The following SGCZ variants were observed in gnomAD, a reference collection of about 807,000 sequenced individuals.
The protein encoded by SGCZ is zeta-sarcoglycan.
In SGCZ, 40 loss-of-function variants were observed where a neutral mutation model predicts 41.3. The observed-to-expected ratio is 0.97, with a 90% confidence interval of 0.75 to 1.26. SGCZ has a LOEUF of 1.26. SGCZ is among the 50% of genes most tolerant of loss of function. The pLI is 0.00. For synonymous variants in SGCZ, 206 were observed against 137.5 expected (o/e 1.50, Z -3.49); for missense variants, 552 against 369.8 (o/e 1.49, Z -4.04).
chr8:14,273,756 C>T (rs1449278761), intron 3 of SGCZ, among the ~76,000 whole-genome samples: 1 of 152,034 alleles, frequency 6.6e-6, no homozygotes, highest in Non-Finnish European at 1.5e-5. Context: ...TCCAATGCAG[C>T]CTAGATACTA....
chr8:14,682,676 G>A (rs545305406), intron 1 of SGCZ, among the ~76,000 whole-genome samples: 3 of 151,892 alleles, frequency 2.0e-5, no homozygotes, highest in East Asian at 1.9e-4. Flanking sequence ...CCTTGTGATC[G>A]GCCCGCCTCG....
intron 1 of SGCZ, among the ~76,000 whole-genome samples, chr8:14,762,141 T>C (rs946041644): frequency 6.6e-6 from 1 of 152,186 alleles, no homozygotes; most frequent in Non-Finnish European, 1.5e-5. Flanking sequence ...CTAATAGAGA[T>C]TGCATGAACA....
At chr8:15,103,822 G>A (rs1585565853) in intron 1 of SGCZ, among the ~76,000 whole-genome samples, 1 of 151,966 alleles carries the variant, frequency 6.6e-6, no homozygotes, top group South Asian at 2.1e-4. Context: ...AAGGAAAACA[G>A]TCCCACACTA....
At chr8:14,372,563 G>A (rs931329358) in intron 2 of SGCZ, among the ~76,000 whole-genome samples, 2 of 152,108 alleles carry the variant, frequency 1.3e-5, no homozygotes, top group Non-Finnish European at 2.9e-5. Context: ...CAAAGGGTAG[G>A]AAGTACAGGT....
intron 1 of SGCZ, among the ~76,000 whole-genome samples, chr8:14,588,977 G>C (rs1805153078): frequency 6.6e-6 from 1 of 152,072 alleles, no homozygotes; most frequent in Non-Finnish European, 1.5e-5. Flanking sequence ...TGTATGATGA[G>C]TACAATGAAT....
chr8:14,981,226 C>G (rs187452904), intron 1 of SGCZ, among the ~76,000 whole-genome samples: 1 of 152,188 alleles, frequency 6.6e-6, no homozygotes, highest in Admixed American at 6.5e-5. Context: ...TCTCTTCTAA[C>G]AAATCTTGCC....
chr8:14,505,436 G>C (rs1037376578), intron 2 of SGCZ, among the ~76,000 whole-genome samples: 1 of 151,966 alleles, frequency 6.6e-6, no homozygotes, highest in African/African-American at 2.4e-5. Context: ...ACAATCCATT[G>C]TTTCTTTTCT....
intron 2 of SGCZ, among the ~76,000 whole-genome samples, chr8:14,365,084 T>C (rs555768896): frequency 1.3e-5 from 2 of 152,046 alleles, no homozygotes; most frequent in Non-Finnish European, 2.9e-5. Flanking sequence ...TATCTCTATA[T>C]TGTAAACAGC....
chr8:14,784,175 C>T (rs1339668169), intron 1 of SGCZ, among the ~76,000 whole-genome samples: 2 of 151,688 alleles, frequency 1.3e-5, no homozygotes, highest in African/African-American at 4.8e-5. Context: ...CTCAGCCTCC[C>T]TAGTAGCAGG....
At chr8:15,178,703 A>G (rs1462063532) in intron 1 of SGCZ, among the ~76,000 whole-genome samples, 4 of 152,212 alleles carry the variant, frequency 2.6e-5, no homozygotes, top group Non-Finnish European at 4.4e-5. Context: ...AAGACAGAAA[A>G]GGCCATGGAC....
At chr8:14,666,820 T>C (rs1329236723) in intron 1 of SGCZ, among the ~76,000 whole-genome samples, 1 of 152,074 alleles carries the variant, frequency 6.6e-6, no homozygotes, top group Non-Finnish European at 1.5e-5. Flanking sequence ...TATCTACATG[T>C]TTGGGGGAGT....
At chr8:14,244,205 C>T (rs1798998167) in intron 3 of SGCZ, among the ~76,000 whole-genome samples, 1 of 149,856 alleles carries the variant, frequency 6.7e-6, no homozygotes, top group South Asian at 2.1e-4. Context: ...CTTCCTTCTT[C>T]CTCCTCTTCC....
chr8:14,825,144 G>A (rs1285470992), intron 1 of SGCZ, among the ~76,000 whole-genome samples: 1 of 152,064 alleles, frequency 6.6e-6, no homozygotes, highest in Non-Finnish European at 1.5e-5. Flanking sequence ...CTCTTAAATT[G>A]ATATTTCATG....
intron 1 of SGCZ, among the ~76,000 whole-genome samples, chr8:15,102,307 T>C (rs1044110753): frequency 6.6e-6 from 1 of 152,178 alleles, no homozygotes. Flanking sequence ...TATGGCATTC[T>C]GGAAAAGGTA....
At chr8:14,847,788 T>TAAA (rs200291523) in intron 1 of SGCZ, among the ~76,000 whole-genome samples, 12 of 105,082 alleles carry the variant, frequency 1.1e-4, no homozygotes, top group African/African-American at 1.8e-4. Flanking sequence ...TAGTTAATGG[T>TAAA]AAAAAAAAAA....
At position 14,802,930 on chromosome 8, in the gene SGCZ, C is replaced by T. The variant is rs1459408362; in HGVS notation, c.40-248004G>A. Among the ~76,000 whole-genome samples, 5 of 152,176 alleles carry T rather than the reference C, an allele frequency of 3.3e-5. No individual in the cohort carries two copies. In the South Asian group the frequency reaches 6.2e-4, roughly 19 times the overall value. ...CAAGCATTCAGCTAAAGCAGCAGGA[C>T]CTTATAAAACTCCTCCTCCAGCCCC... On this transcript the variant is annotated intron_variant, in intron 1 of 7. Coordinates refer to ENST00000382080, the MANE Select transcript of SGCZ (RefSeq NM_139167.4).
At chr8:14,099,311 CTCT>C (rs2116973025) in intron 7 of SGCZ, among the ~76,000 whole-genome samples, 1 of 152,308 alleles carries the variant, frequency 6.6e-6, no homozygotes, top group Admixed American at 6.5e-5. Flanking sequence ...GGTTCTGAAA[CTCT>C]TCCCTGATCT....
At chr8:14,327,829 G>A (rs1425857205) in intron 2 of SGCZ, among the ~76,000 whole-genome samples, 1 of 152,170 alleles carries the variant, frequency 6.6e-6, no homozygotes, top group Non-Finnish European at 1.5e-5. Context: ...TCGCCAGGCT[G>A]GAGTGCAGCG....
intron 1 of SGCZ, among the ~76,000 whole-genome samples, chr8:14,901,291 T>C (rs1798959774): frequency 6.6e-6 from 1 of 152,146 alleles, no homozygotes; most frequent in African/African-American, 2.4e-5. Context: ...CACAGTTTTA[T>C]TATGAGTTGA....
Sources: allele counts gnomAD v4.1 joint callset (sites outside exome capture counted in the v4.1 genomes callset), GRCh38; gene constraint gnomAD v4.1.1; transcripts MANE v1.5; gene names NCBI Gene and HGNC (gene_info 2026-07-23, HGNC 2026-07-21).